The following FAAH2 variants were observed in gnomAD, a reference collection of about 807,000 sequenced individuals.
The protein encoded by FAAH2 is fatty-acid amide hydrolase 2.
A neutral mutation model predicts 36.9 loss-of-function variants in FAAH2; 60 were observed. The observed-to-expected ratio is 1.63, with a 90% CI of 1.32 to 2.02. The LOEUF is 2.02. FAAH2 is among the 30% of genes most tolerant of loss of function. FAAH2 has a pLI of 0.00. For synonymous variants in FAAH2, 214 were observed against 143.8 expected (o/e 1.49, Z -3.49); for missense variants, 689 against 397.5 (o/e 1.73, Z -6.23).
At chrX:57,136,504 CT>C in the FAAH2 span, 7 of 474,159 alleles carry the variant, frequency 1.5e-5, no homozygotes, top group Non-Finnish European at 2.2e-5. Flanking sequence ...TTTTGGGAGA[CT>C]TTTTTCTTTG....
chrX:57,452,094 G>A (rs751535320), intron 10 of FAAH2: 1 of 653,065 alleles, frequency 1.5e-6, no homozygotes, highest in Non-Finnish European at 1.8e-6. Flanking sequence ...TTACAAAAGT[G>A]GCCTTTCACT....
intron 9 of FAAH2, among the ~76,000 whole-genome samples, chrX:57,448,103 C>T (rs370272110): frequency 1.4e-4 from 16 of 111,435 alleles, no homozygotes; most frequent in African/African-American, 4.6e-4. Flanking sequence ...AATCCTCCTG[C>T]CTCAACTCCT....
intron 5 of FAAH2, among the ~76,000 whole-genome samples, chrX:57,349,097 A>G (rs1399242236): frequency 1.0e-5 from 1 of 97,529 alleles, no homozygotes. Context: ...TATATATTAT[A>G]TATATAATGT....
At chrX:57,260,743 ATGTGTG>A in the FAAH2 span, among the ~76,000 whole-genome samples, 1 of 109,709 alleles carries the variant, frequency 9.1e-6, no homozygotes, top group Admixed American at 9.8e-5. Flanking sequence ...ATCAAAGGAT[ATGTGTG>A]TGTGTGTGTG....
At chrX:57,436,412 G>A (rs910764264) in intron 8 of FAAH2, among the ~76,000 whole-genome samples, 1 of 109,396 alleles carries the variant, frequency 9.1e-6, no homozygotes, top group Non-Finnish European at 1.9e-5. Flanking sequence ...AGGAAAGGTA[G>A]AAGTACAAAG....
At chrX:57,203,582 C>T in the FAAH2 span, among the ~76,000 whole-genome samples, 6 of 112,083 alleles carry the variant, frequency 5.4e-5, no homozygotes, top group Admixed American at 5.7e-4. Context: ...TCACAGTGAG[C>T]TACTTCTCGC....
At chrX:57,326,980 G>T (rs1020924221) in intron 3 of FAAH2, among the ~76,000 whole-genome samples, 2 of 103,849 alleles carry the variant, frequency 1.9e-5, no homozygotes, top group African/African-American at 7.2e-5. Context: ...GCTGGTATCG[G>T]TTGTTCCTTT....
Position 57,352,065 on chromosome X carries a change from TACACA to T in FAAH2, c.742+10676_742+10680del, listed in dbSNP as rs2054023217. The stretch of plus-strand genomic sequence containing the variant: ...ATATATATGTGTATATATATATATA[TACACA>T]TATATATATGTGTATATATATGCAC... On this transcript the variant is annotated intron_variant, in intron 5 of 10. Coordinates refer to ENST00000374900, the MANE Select transcript of FAAH2 (RefSeq NM_174912.4). Among the ~76,000 whole-genome samples the T allele has an allele frequency of 1.2e-4, 5 of 42,858 alleles. 2 individuals carry two copies. In the East Asian group the frequency reaches 5.1e-3, roughly 43 times the overall value. 37.2% of individuals were successfully genotyped at this position (42,858 alleles called of 115,157 possible). A position where few individuals can be genotyped will look rare whatever the true frequency, so the allele number is the denominator to read the frequency against.
At chrX:57,357,446 G>A (rs1277416299) in intron 5 of FAAH2, among the ~76,000 whole-genome samples, 1 of 111,315 alleles carries the variant, frequency 9.0e-6, no homozygotes, top group South Asian at 3.7e-4. Flanking sequence ...CTGACAAAGG[G>A]CTAATATCCA....
At chrX:57,409,216 T>C (rs377237369) in intron 7 of FAAH2, among the ~76,000 whole-genome samples, 2 of 111,881 alleles carry the variant, frequency 1.8e-5, no homozygotes, top group Middle Eastern at 4.6e-3. Flanking sequence ...ATGCAGCACA[T>C]TGTTGTATTA....
At chrX:57,170,039 C>T in the FAAH2 span, among the ~76,000 whole-genome samples, 1 of 111,514 alleles carries the variant, frequency 9.0e-6, no homozygotes, top group Non-Finnish European at 1.9e-5. Flanking sequence ...GGCACAATCA[C>T]GGCACACTGC....
chrX:57,258,800 C>T, the FAAH2 span, among the ~76,000 whole-genome samples: 10 of 106,822 alleles, frequency 9.4e-5, no homozygotes, highest in Non-Finnish European at 1.7e-4. Flanking sequence ...GCTCCGCCTC[C>T]TGGGTTCACG....
the FAAH2 span, among the ~76,000 whole-genome samples, chrX:57,131,028 G>T: frequency 9.0e-6 from 1 of 110,907 alleles, no homozygotes; most frequent in Non-Finnish European, 1.9e-5. Context: ...TAATTGGTGA[G>T]TGTGAGAGGA....
intron 10 of FAAH2, among the ~76,000 whole-genome samples, chrX:57,471,070 A>C (rs1318909091): frequency 8.9e-6 from 1 of 111,968 alleles, no homozygotes; most frequent in Non-Finnish European, 1.9e-5. Context: ...AACTCTCAAT[A>C]AATCAGATAT....
At chrX:57,441,074 G>C (rs933751347) in intron 8 of FAAH2, among the ~76,000 whole-genome samples, 1 of 111,043 alleles carries the variant, frequency 9.0e-6, no homozygotes, top group Admixed American at 9.6e-5. Context: ...TTTTTTTGTT[G>C]TTGTGTTTCT....
intron 7 of FAAH2, among the ~76,000 whole-genome samples, chrX:57,404,835 G>A (rs746480605): frequency 7.6e-4 from 85 of 112,263 alleles, no homozygotes; most frequent in African/African-American, 2.7e-3. Context: ...AGGGGCACAC[G>A]CATGGGTGAC....
At chrX:57,408,615 T>C (rs2055625390) in intron 7 of FAAH2, among the ~76,000 whole-genome samples, 1 of 110,221 alleles carries the variant, frequency 9.1e-6, no homozygotes, top group Non-Finnish European at 1.9e-5. Flanking sequence ...TGAATAGAAA[T>C]AGCCAAAGTG....
the FAAH2 span, among the ~76,000 whole-genome samples, chrX:57,153,378 G>A: frequency 8.9e-6 from 1 of 111,874 alleles, no homozygotes; most frequent in Non-Finnish European, 1.9e-5. Flanking sequence ...TGTTAGTATT[G>A]AGATGTGAGA....
the FAAH2 span, among the ~76,000 whole-genome samples, chrX:57,238,574 C>T: frequency 9.0e-6 from 1 of 111,135 alleles, no homozygotes; most frequent in Non-Finnish European, 1.9e-5. Flanking sequence ...AAACAAACCC[C>T]CATGACATGA....
Sources: allele counts gnomAD v4.1 joint callset (sites outside exome capture counted in the v4.1 genomes callset), GRCh38; gene constraint gnomAD v4.1.1; transcripts MANE v1.5; gene names NCBI Gene and HGNC (gene_info 2026-07-23, HGNC 2026-07-21).